SLC26A7: variants seen among roughly 807,000 people sequenced by gnomAD.
SLC26A7 encodes the protein anion exchange transporter.
A neutral mutation model predicts 82.5 loss-of-function variants in SLC26A7; 59 were observed. The ratio of observed to expected loss-of-function variants is 0.72; its 90% CI spans 0.58 to 0.89. The LOEUF (loss-of-function observed/expected upper bound fraction) is 0.89, where lower values mean the gene tolerates loss of function less well. Ranked by LOEUF, SLC26A7 falls within the 40% of genes least tolerant of loss-of-function variation. SLC26A7 has a pLI of 0.00. For synonymous variants in SLC26A7, 271 were observed against 274.3 expected, an observed-to-expected ratio of 0.99 and a Z score of 0.12; for missense variants, 820 against 793.0, an observed-to-expected ratio of 1.03 and a Z score of -0.41.
chr8:91,391,613 A>G (rs143898490), intron 16 of SLC26A7, among the ~76,000 whole-genome samples: 1 of 152,212 alleles, frequency 6.6e-6, no homozygotes, highest in East Asian at 1.9e-4. Flanking sequence ...TGTATTCGGC[A>G]TTTTTATTTA....
In SLC26A7 at chr8:91,395,170, A is replaced by G. The variant is rs1045769601; in HGVS notation, c.*73A>G. The stretch of plus-strand genomic sequence containing the variant: ...AGGCCATATGCTGGCATTTTGCACA[A>G]CTTTTTGGTTGTTTAGATCCTACAG... On this transcript the variant is annotated 3_prime_UTR_variant, in exon 19 of 19. Coordinates refer to ENST00000276609, the MANE Select transcript of SLC26A7 (RefSeq NM_052832.4). 3.1e-5 allele frequency: 50 copies of G among 1,604,684 alleles called. No individual in the cohort carries two copies. The highest frequency in any genetic ancestry group is 4.5e-5 in the South Asian group (4 of 89,618).
At chr8:91,260,359 C>T (rs1810929307) in intron 2 of SLC26A7, among the ~76,000 whole-genome samples, 1 of 152,116 alleles carries the variant, frequency 6.6e-6, no homozygotes, top group African/African-American at 2.4e-5. Context: ...CACCTCCTAC[C>T]ATATCCCTCC....
chr8:91,351,759 A>G lies in SLC26A7; in HGVS notation c.1141-51A>G, dbSNP rs370559353. 2.0e-4 allele frequency: 258 copies of G among 1,292,798 alleles called. 2 individuals are homozygous for G. In the South Asian group the frequency reaches 2.4e-3, roughly 12 times the overall value. 80.1% of individuals were successfully genotyped at this position (1,292,798 alleles called of 1,614,324 possible). On this transcript the variant is annotated intron_variant, in intron 9 of 18. Transcript: ENST00000276609. Reference sequence around the variant, plus strand: ...CCCCACCCCATAACTTTGACATAATAAAAAAGTTCAAGGCTTTCTTTTTCC... The same window carrying G: ...CCCCACCCCATAACTTTGACATAATGAAAAAGTTCAAGGCTTTCTTTTTCC...
At chr8:91,332,676 G>T (rs1813126995) in intron 5 of SLC26A7, among the ~76,000 whole-genome samples, 1 of 151,000 alleles carries the variant, frequency 6.6e-6, no homozygotes, top group African/African-American at 2.4e-5. Flanking sequence ...GACTGCAGGT[G>T]CATGCCACCA....
intron 2 of SLC26A7, among the ~76,000 whole-genome samples, chr8:91,281,474 C>T (rs556344385): frequency 2.2e-4 from 34 of 152,294 alleles, no homozygotes; most frequent in African/African-American, 7.9e-4. Flanking sequence ...ATATACTATG[C>T]CATTTTCTAT....
intron 2 of SLC26A7, among the ~76,000 whole-genome samples, chr8:91,287,069 T>C (rs926396825): frequency 6.6e-6 from 1 of 152,186 alleles, no homozygotes; most frequent in Non-Finnish European, 1.5e-5. Flanking sequence ...GCGAATGATA[T>C]TGTTGTTTAA....
intron 15 of SLC26A7, among the ~76,000 whole-genome samples, chr8:91,384,923 A>C (rs1814759982): frequency 6.6e-6 from 1 of 152,154 alleles, no homozygotes; most frequent in East Asian, 1.9e-4. Context: ...TTCAATAGTT[A>C]ATTGATATCA....
chr8:91,291,852 G>A (rs900388698), intron 3 of SLC26A7, among the ~76,000 whole-genome samples: 31 of 152,098 alleles, frequency 2.0e-4, no homozygotes, highest in African/African-American at 6.5e-4. Flanking sequence ...CATTAAAGCC[G>A]GAGACTAATT....
At chr8:91,231,609 T>G (rs1220085219) in intron 2 of SLC26A7, among the ~76,000 whole-genome samples, 2 of 152,184 alleles carry the variant, frequency 1.3e-5, no homozygotes, top group Non-Finnish European at 2.9e-5. Context: ...CTGTTTCTTC[T>G]GAAGGATTAA....
intron 15 of SLC26A7, among the ~76,000 whole-genome samples, chr8:91,380,128 A>G (rs985257645): frequency 3.3e-5 from 5 of 152,112 alleles, no homozygotes; most frequent in Non-Finnish European, 5.9e-5. Flanking sequence ...GTCAAAATGG[A>G]AAAATCTGAC....
intron 10 of SLC26A7, among the ~76,000 whole-genome samples, chr8:91,352,548 A>G (rs893847172): frequency 2.0e-5 from 3 of 152,282 alleles, no homozygotes; most frequent in East Asian, 1.9e-4. Context: ...TATGATATAC[A>G]TATTTAATTT....
intron 15 of SLC26A7, among the ~76,000 whole-genome samples, chr8:91,376,578 G>C (rs1351477116): frequency 2.0e-5 from 3 of 152,188 alleles, no homozygotes; most frequent in Non-Finnish European, 4.4e-5. Flanking sequence ...AGCCAAAACA[G>C]TATCTTCTGC....
chr8:91,355,628 G>A (rs934809043), intron 11 of SLC26A7, among the ~76,000 whole-genome samples: 10 of 151,386 alleles, frequency 6.6e-5, no homozygotes, highest in African/African-American at 1.9e-4. Flanking sequence ...TCTGGTTTTT[G>A]TTGATCATTC....
intron 3 of SLC26A7, among the ~76,000 whole-genome samples, chr8:91,289,815 T>G (rs558541535): frequency 6.6e-6 from 1 of 152,340 alleles, no homozygotes; most frequent in South Asian, 2.1e-4. Context: ...TATTCCAGGC[T>G]AGTTTATACA....
chr8:91,345,474 TTAA>T (rs2130848008), intron 9 of SLC26A7, among the ~76,000 whole-genome samples: 1 of 152,270 alleles, frequency 6.6e-6, no homozygotes, highest in Non-Finnish European at 1.5e-5. Context: ...ACTAAAGGAG[TTAA>T]TAATGCTTAT....
intron 11 of SLC26A7, among the ~76,000 whole-genome samples, chr8:91,356,859 A>G (rs1813883932): frequency 1.3e-5 from 2 of 152,060 alleles, no homozygotes; most frequent in Non-Finnish European, 2.9e-5. Context: ...TAGAATTGTA[A>G]TGCATTTTTA....
chr8:91,268,353 C>G (rs979943928), intron 2 of SLC26A7, among the ~76,000 whole-genome samples: 2 of 151,760 alleles, frequency 1.3e-5, no homozygotes, highest in African/African-American at 4.8e-5. Context: ...GTTATAGCCT[C>G]TTGGTATATT....
intron 4 of SLC26A7, 81 bp downstream of exon 4, chr8:91,295,784 G>T: frequency 7.1e-7 from 1 of 1,417,204 alleles, no homozygotes. Flanking sequence ...TTTTATTCTT[G>T]TTCATGAATT....
At chr8:91,245,444 C>T (rs936273509), upstream of SLC26A7, among the ~76,000 whole-genome samples, 1 of 152,072 alleles carries the variant, frequency 6.6e-6, no homozygotes, top group East Asian at 1.9e-4. Flanking sequence ...ATTGTGTGGA[C>T]GTATCCCCAT....
Sources: allele counts gnomAD v4.1 joint callset (sites outside exome capture counted in the v4.1 genomes callset), GRCh38; gene constraint gnomAD v4.1.1; transcripts MANE v1.5; gene names NCBI Gene and HGNC (gene_info 2026-07-23, HGNC 2026-07-21).